The following YIPF4 variants were observed in gnomAD, a reference collection of about 807,000 sequenced individuals.
YIPF4 encodes Yip1 domain family member 4, also known as protein YIPF4.
A neutral mutation model predicts 29.4 loss-of-function variants in YIPF4; 18 were observed. That is an observed-to-expected ratio of 0.61 (90% CI 0.42 to 0.91). The LOEUF is 0.91. Ranked by LOEUF, YIPF4 falls within the 40% of genes least tolerant of loss-of-function variation. The pLI, the probability that YIPF4 is intolerant of heterozygous loss-of-function variation, is 0.00. For synonymous variants in YIPF4, 115 were observed against 104.7 expected (o/e 1.10, Z -0.60); for missense variants, 279 against 282.7 (o/e 0.99, Z 0.09).
rs1002428006 is a variant in YIPF4, at chr2:32,305,963, A to G, written c.*337A>G. ...GGTAATTATATTTCACTTAAAGGGT[A>G]AATTTGACAATATCTTGATAATCAA... On this transcript the variant is annotated 3_prime_UTR_variant, in exon 6 of 6. Transcript: ENST00000238831. 3.0e-6 allele frequency: 3 copies of G among 991,716 alleles called. No individual in the cohort carries two copies. Among genetic ancestry groups the G allele is most frequent in the Non-Finnish European group, 3.6e-6 (3 of 834,220 alleles). 61.4% of individuals were successfully genotyped at this position (991,716 alleles called of 1,614,324 possible). A position where few individuals can be genotyped will look rare whatever the true frequency, so the allele number is the denominator to read the frequency against.
intron 1 of YIPF4, among the ~76,000 whole-genome samples, chr2:32,288,658 A>C (rs1346912360): frequency 6.6e-6 from 1 of 152,138 alleles, no homozygotes; most frequent in African/African-American, 2.4e-5. Flanking sequence ...AAAAATACAA[A>C]AATTAGCCAG....
rs1214706260 is a variant in YIPF4, at chr2:32,314,625, A to G, written c.*8999A>G. On this transcript the variant is annotated 3_prime_UTR_variant, in exon 6 of 6. Transcript: ENST00000238831. ...GAGGTGGAGAGTGTGGTGAGCTGAGATGTCACCATTGCACTCCAGCCTGGG... is the reference window on the plus strand; with the variant it reads ...GAGGTGGAGAGTGTGGTGAGCTGAGGTGTCACCATTGCACTCCAGCCTGGG... The G allele has an allele frequency of 6.6e-6, 1 of 152,162 alleles. No individual in the cohort carries two copies. The highest frequency in any genetic ancestry group is 1.9e-4 in the East Asian group (1 of 5,200). The allele number at this position is 152,162 out of a possible 1,614,324, so 9.4% of individuals were successfully genotyped here.
At position 32,306,040 on chromosome 2, in the gene YIPF4, GATATATATTTATATTTATAC is replaced by G; in HGVS notation, c.*427_*446del. On this transcript the variant is annotated 3_prime_UTR_variant, in exon 6 of 6. Transcript: ENST00000238831. Reference sequence around the variant, plus strand: ...TTTCTCCAGCATCACAGATCCTGCAGATATATATTTATATTTATACATATATATTTATGAAATAATTCTTA... The same window carrying G: ...TTTCTCCAGCATCACAGATCCTGCAGATATATATTTATGAAATAATTCTTA... The G allele has an allele frequency of 1.1e-6, 1 of 894,050 alleles. No homozygotes were observed. Among genetic ancestry groups the G allele is most frequent in the Non-Finnish European group, 1.3e-6 (1 of 747,260 alleles). The allele number at this position is 894,050 out of a possible 1,614,324, so 55.4% of individuals were successfully genotyped here. A position where few individuals can be genotyped will look rare whatever the true frequency, so the allele number is the denominator to read the frequency against.
intron 1 of YIPF4, among the ~76,000 whole-genome samples, chr2:32,284,190 T>C (rs985291615): frequency 6.6e-6 from 1 of 152,108 alleles, no homozygotes; most frequent in African/African-American, 2.4e-5. Context: ...CCAAATAGTC[T>C]CTCCTTTCAT....
At chr2:32,291,914 G>T (rs1246705148) in intron 2 of YIPF4, among the ~76,000 whole-genome samples, 1 of 152,138 alleles carries the variant, frequency 6.6e-6, no homozygotes, top group African/African-American at 2.4e-5. Flanking sequence ...CAAAAGGAAA[G>T]GTAAATATTA....
In YIPF4 at chr2:32,315,510, G is replaced by A. The variant is rs1387914190; in HGVS notation, c.*9884G>A. On this transcript the variant is annotated 3_prime_UTR_variant, in exon 6 of 6. Transcript: ENST00000238831. ...CACGCCTGAAATCCCAGCACTTTGG[G>A]AGGCCGAGGCGGGCGGATCCTGAGG... The A allele has an allele frequency of 6.6e-6, 1 of 152,538 alleles. No individual in the cohort carries two copies. Among genetic ancestry groups the A allele is most frequent in the Admixed American group, 6.5e-5 (1 of 15,282 alleles). 9.4% of individuals were successfully genotyped at this position (152,538 alleles called of 1,614,324 possible). A position where few individuals can be genotyped will look rare whatever the true frequency, so the allele number is the denominator to read the frequency against.
chr2:32,285,210 A>G (rs936433919), intron 1 of YIPF4, among the ~76,000 whole-genome samples: 1 of 152,196 alleles, frequency 6.6e-6, no homozygotes, highest in African/African-American at 2.4e-5. Flanking sequence ...GAAGCATGCA[A>G]ATAAAGCAAA....
In YIPF4 at chr2:32,301,450, A is replaced by G. The variant is rs2148966733; in HGVS notation, c.552A>G (p.Val184=). ...TTCCTCTCATTGTAATAGCCCCTGT[A>G]CTTTTGGTGGTTGGATCATTTGAAG... is the stretch of plus-strand genomic sequence containing the variant. ...SLLPLIVIAP[V]LLVVGSFEVV... Residue 184 remains valine, a synonymous_variant, in exon 5 of 6, where the codon GTA becomes GTG. Transcript: ENST00000238831. 1.2e-6 allele frequency: 2 copies of G among 1,613,808 alleles called. No homozygotes were observed. The highest frequency in any genetic ancestry group is 2.2e-5 in the East Asian group (1 of 44,814).
intron 5 of YIPF4, 84 bp downstream of exon 5, chr2:32,301,579 AT>A: frequency 2.3e-6 from 2 of 879,758 alleles, no homozygotes; most frequent in Non-Finnish European, 3.5e-6. Flanking sequence ...ATATTGTGAT[AT>A]AAAACTCTTT....
chr2:32,293,267 T>C (rs935375014), intron 3 of YIPF4, among the ~76,000 whole-genome samples: 2 of 152,046 alleles, frequency 1.3e-5, no homozygotes, highest in African/African-American at 2.4e-5. Flanking sequence ...CCCTGGGTAC[T>C]TGAGATTAGG....
At chr2:32,299,546 G>A (rs1432218143) in intron 4 of YIPF4, among the ~76,000 whole-genome samples, 1 of 152,220 alleles carries the variant, frequency 6.6e-6, no homozygotes, top group Non-Finnish European at 1.5e-5. Context: ...AGGGGGCTGG[G>A]CGCCGTGGCT....
Position 32,309,773 on chromosome 2 carries a change from C to G in YIPF4, c.*4147C>G, listed in dbSNP as rs572283132. ...GCGCAATCTCAGCTCACTGCAACCT[C>G]TGATTCCTGGGTTCAAGCAATTCTC... On this transcript the variant is annotated 3_prime_UTR_variant, in exon 6 of 6. Coordinates refer to ENST00000238831, the MANE Select transcript of YIPF4 (RefSeq NM_032312.4). 1 of 148,482 alleles carries G rather than the reference C, an allele frequency of 6.7e-6. No individual in the cohort carries two copies. The highest frequency in any genetic ancestry group is 1.5e-5 in the Non-Finnish European group (1 of 67,666). 9.2% of individuals were successfully genotyped at this position (148,482 alleles called of 1,614,324 possible).
At position 32,307,715 on chromosome 2, in the gene YIPF4, TCAGGAGTTTGAGA is replaced by T. The variant is rs1375236249; in HGVS notation, c.*2091_*2103del. On this transcript the variant is annotated 3_prime_UTR_variant, in exon 6 of 6. Transcript: ENST00000238831. ...GGCCAAAGTGGATGAGCAGCTTGAGTCAGGAGTTTGAGACCAGCCTGGCCAACATGGCGAAACC... is the reference window on the plus strand; with the variant it reads ...GGCCAAAGTGGATGAGCAGCTTGAGTCCAGCCTGGCCAACATGGCGAAACC... 1 of 152,036 alleles carries T rather than the reference TCAGGAGTTTGAGA, an allele frequency of 6.6e-6. No homozygotes were observed. Among genetic ancestry groups the T allele is most frequent in the Non-Finnish European group, 1.5e-5 (1 of 68,102 alleles). The allele number at this position is 152,036 out of a possible 1,614,324, so 9.4% of individuals were successfully genotyped here.
chr2:32,294,900 A>G lies in YIPF4; in HGVS notation c.405+2552A>G, dbSNP rs569072075. On this transcript the variant is annotated intron_variant, in intron 3 of 5. Coordinates refer to ENST00000238831, the MANE Select transcript of YIPF4 (RefSeq NM_032312.4). The stretch of plus-strand genomic sequence containing the variant: ...GCCAACACAGCGAAACCCCGTCTCC[A>G]CCAAAAAAATACAAAAACCAGTCAG... Among the ~76,000 whole-genome samples the G allele has an allele frequency of 3.8e-3, 580 of 152,318 alleles. 4 individuals carry two copies. Among genetic ancestry groups the G allele is most frequent in the Middle Eastern group, 0.017 (5 of 294 alleles).
At chr2:32,290,379 G>T in intron 1 of YIPF4, 104 bp from the exon 2 acceptor site, 1 of 844,454 alleles carries the variant, frequency 1.2e-6, no homozygotes, top group Non-Finnish European at 1.7e-6. Flanking sequence ...GATGTTCTTA[G>T]AGATCTTCAA....
chr2:32,288,396 A>G (rs998557802), intron 1 of YIPF4, among the ~76,000 whole-genome samples: 1 of 152,208 alleles, frequency 6.6e-6, no homozygotes, highest in African/African-American at 2.4e-5. Flanking sequence ...CTTTAAGTAC[A>G]GTCCTTTCTA....
intron 1 of YIPF4, among the ~76,000 whole-genome samples, chr2:32,289,719 A>G (rs1222659710): frequency 1.3e-5 from 2 of 152,324 alleles, no homozygotes; most frequent in East Asian, 1.9e-4. Flanking sequence ...GATACTGTGC[A>G]GACTCTACAT....
chr2:32,288,386 C>CT (rs2030770107), intron 1 of YIPF4, among the ~76,000 whole-genome samples: 2 of 152,282 alleles, frequency 1.3e-5, no homozygotes, highest in Admixed American at 6.5e-5. Flanking sequence ...AGATTAAGGA[C>CT]TTTAAGTACA....
At chr2:32,287,622 G>A (rs896952399) in intron 1 of YIPF4, among the ~76,000 whole-genome samples, 3 of 152,242 alleles carry the variant, frequency 2.0e-5, no homozygotes, top group African/African-American at 7.2e-5. Context: ...CACATTCTCA[G>A]GCTGAGCAGA....
Sources: allele counts gnomAD v4.1 joint callset (sites outside exome capture counted in the v4.1 genomes callset), GRCh38; gene constraint gnomAD v4.1.1; transcripts MANE v1.5; gene names NCBI Gene and HGNC (gene_info 2026-07-23, HGNC 2026-07-21).